The following RYR2 variants were observed in gnomAD, a reference collection of about 807,000 sequenced individuals.
RYR2 encodes ryanodine receptor 2, also known as cardiac muscle ryanodine receptor-calcium release channel.
A neutral mutation model predicts 601.1 loss-of-function variants in RYR2; 227 were observed. The ratio of observed to expected loss-of-function variants is 0.38; its 90% confidence interval spans 0.34 to 0.42. The LOEUF (loss-of-function observed/expected upper bound fraction) is 0.42, where lower values mean the gene tolerates loss of function less well. RYR2 is among the 10% of genes least tolerant of loss of function. The probability of loss-of-function intolerance (pLI) is 1.00; values close to 1 mark genes in which losing one functional copy is unlikely to be tolerated. For missense variants in RYR2, 4,646 were observed against 6,156.5 expected (o/e 0.75, Z 8.21); for synonymous variants, 2,223 against 2,175.1 (o/e 1.02, Z -0.61).
intron 17 of RYR2, among the ~76,000 whole-genome samples, chr1:237,473,853 C>T (rs1438301677): frequency 6.6e-6 from 1 of 152,116 alleles, no homozygotes; most frequent in Non-Finnish European, 1.5e-5. Flanking sequence ...CAAGCATTAC[C>T]TCTACATTTA....
intron 1 of RYR2, among the ~76,000 whole-genome samples, chr1:237,164,393 C>T (rs964853769): frequency 6.6e-6 from 1 of 152,178 alleles, no homozygotes; most frequent in African/African-American, 2.4e-5. Flanking sequence ...CACAGGTGCC[C>T]AGCTGTAGAC....
chr1:237,740,662 A>G (rs866536593), intron 79 of RYR2, among the ~76,000 whole-genome samples: 23 of 152,278 alleles, frequency 1.5e-4, no homozygotes, highest in Middle Eastern at 3.4e-3. Context: ...ATAGAAGACT[A>G]TGTCTTTGAG....
intron 1 of RYR2, among the ~76,000 whole-genome samples, chr1:237,135,400 C>T (rs1028771385): frequency 3.3e-5 from 5 of 150,880 alleles, no homozygotes; most frequent in South Asian, 2.1e-4. Flanking sequence ...TACAGAGTCT[C>T]GCTCTGTTAC....
At chr1:237,556,275 T>A (rs916256129) in intron 27 of RYR2, among the ~76,000 whole-genome samples, 2 of 99,374 alleles carry the variant, frequency 2.0e-5, no homozygotes, top group African/African-American at 7.0e-5. Context: ...TTCCATTTTT[T>A]AAAATATTAT....
intron 95 of RYR2, among the ~76,000 whole-genome samples, chr1:237,794,450 T>G (rs529322579): frequency 6.6e-6 from 1 of 152,308 alleles, no homozygotes; most frequent in Non-Finnish European, 1.5e-5. Flanking sequence ...AGCATGAAAC[T>G]AACTAAATAT....
At chr1:237,422,569 T>G (rs1306904657) in intron 11 of RYR2, among the ~76,000 whole-genome samples, 2 of 152,214 alleles carry the variant, frequency 1.3e-5, no homozygotes, top group Non-Finnish European at 2.9e-5. Flanking sequence ...AATACATTTC[T>G]TTTGTCAGGT....
At chr1:237,300,266 G>C in intron 2 of RYR2, among the ~76,000 whole-genome samples, 1 of 152,090 alleles carries the variant, frequency 6.6e-6, no homozygotes, top group Non-Finnish European at 1.5e-5. Context: ...TTGGTTGAGG[G>C]ATGTTTAAAT....
chr1:237,463,083 G>A (rs181638016), intron 16 of RYR2, among the ~76,000 whole-genome samples: 110 of 152,156 alleles, frequency 7.2e-4, no homozygotes, highest in African/African-American at 2.4e-3. Flanking sequence ...TTGTTTGCTC[G>A]TTTGTTTGTT....
intron 14 of RYR2, among the ~76,000 whole-genome samples, chr1:237,452,942 C>T (rs937484716): frequency 6.6e-6 from 1 of 151,936 alleles, no homozygotes; most frequent in Non-Finnish European, 1.5e-5. Flanking sequence ...TTACATTCCT[C>T]ATGGTAGATA....
At chr1:237,695,591 G>T (rs1242661767) in intron 63 of RYR2, among the ~76,000 whole-genome samples, 1 of 152,080 alleles carries the variant, frequency 6.6e-6, no homozygotes, top group Non-Finnish European at 1.5e-5. Flanking sequence ...GGCCCTTCCT[G>T]TTCTTCCTGA....
chr1:237,487,843 T>G (rs2150394046), intron 17 of RYR2, among the ~76,000 whole-genome samples: 1 of 152,044 alleles, frequency 6.6e-6, no homozygotes, highest in Non-Finnish European at 1.5e-5. Context: ...GTGTTTTCTC[T>G]GACTTTATTG....
At chr1:237,101,540 C>G (rs1458018391) in intron 1 of RYR2, among the ~76,000 whole-genome samples, 4 of 152,200 alleles carry the variant, frequency 2.6e-5, no homozygotes, top group African/African-American at 9.6e-5. Context: ...CACACACACT[C>G]TCGATCTTAC....
chr1:237,198,311 A>G (rs1237577545), intron 1 of RYR2, among the ~76,000 whole-genome samples: 3 of 152,216 alleles, frequency 2.0e-5, no homozygotes, highest in Non-Finnish European at 4.4e-5. Flanking sequence ...AGTTATACAA[A>G]TGTATTGCTA....
Position 237,511,539 on chromosome 1 carries a change from C to T in RYR2, c.2719-149C>T, listed in dbSNP as rs141755246. ...CCAGTGACCTCAGATACTCACTGCG[C>T]CTGAGAGGTTGTGGGGGCAGCTTTG... is the stretch of plus-strand genomic sequence containing the variant. On this transcript the variant is annotated intron_variant, in intron 23 of 104. Transcript: ENST00000366574. The T allele has an allele frequency of 4.2e-5, 25 of 601,346 alleles. No homozygotes were observed. In the East Asian group the frequency reaches 6.1e-4, roughly 15 times the overall value. The allele number at this position is 601,346 out of a possible 1,614,324, so 37.3% of individuals were successfully genotyped here.
rs181235946 is a variant in RYR2, at chr1:237,490,258, A to G, written c.1709-1548A>G. Among the ~76,000 whole-genome samples, 16 of 152,350 alleles carry G rather than the reference A, an allele frequency of 1.1e-4. No homozygotes were observed. The East Asian group carries it at 1.3e-3, about 13-fold the overall frequency. On this transcript the variant is annotated intron_variant, in intron 17 of 104. Coordinates refer to ENST00000366574, the MANE Select transcript of RYR2 (RefSeq NM_001035.3). The stretch of plus-strand genomic sequence containing the variant: ...GCTCACTACCTGGTTGATGGGATCA[A>G]TTGTACTGCAAACCTCAGCATTATG...
intron 37 of RYR2, among the ~76,000 whole-genome samples, chr1:237,616,147 G>A (rs1678439851): frequency 6.6e-6 from 1 of 152,128 alleles, no homozygotes; most frequent in African/African-American, 2.4e-5. Flanking sequence ...GGAGAAAAGG[G>A]GTTGGACACT....
rs546960253 is a variant in RYR2 at position 237,579,248 on chromosome 1, CTTTTTTTTT to C, written c.3598+9946_3598+9954del. Among the ~76,000 whole-genome samples the C allele has an allele frequency of 1.1e-3, 74 of 68,110 alleles. 1 individual carries two copies. Among genetic ancestry groups the C allele is most frequent in the Non-Finnish European group, 2.0e-3 (66 of 33,768 alleles). The allele number at this position is 68,110 out of a possible 152,430, so 44.7% of individuals were successfully genotyped here. ...TGAGGATAATTTACTTCTTCTTCTT[CTTTTTTTTT>C]TTTTTTTTTTTTTTTTGAGACAGAG... On this transcript the variant is annotated intron_variant, in intron 29 of 104. Transcript: ENST00000366574.
In RYR2 at chr1:237,707,071, A is replaced by T. The variant is rs773957909; in HGVS notation, c.9703A>T (p.Met3235Leu). The change falls in exon 68 of 105, where the codon ATG (methionine) becomes TTG (leucine). Residue 3235 changes from methionine (M) to leucine (L), a missense_variant. By Grantham distance (15) the Met-to-Leu change is conservative (BLOSUM62 2). This residue lies in a region of RYR2 where 1,497 missense variants were observed against 1,842.6 expected (regional missense o/e 0.81). Transcript: ENST00000366574. ...TCGCTACACTCAAATGCCACATGTCATGGAAGTCATACTGCCCATGCTTTG... is the reference window on the plus strand; with the variant it reads ...TCGCTACACTCAAATGCCACATGTCTTGGAAGTCATACTGCCCATGCTTTG... ...GIRYTQMPHV[M>L]EVILPMLCSY... 1 of 1,613,888 alleles carries T rather than the reference A, an allele frequency of 6.2e-7. No homozygotes were observed. Among genetic ancestry groups the T allele is most frequent in the Non-Finnish European group, 8.5e-7 (1 of 1,179,836 alleles).
chr1:237,823,212 A>T (rs1165921580), intron 101 of RYR2, among the ~76,000 whole-genome samples: 1 of 152,206 alleles, frequency 6.6e-6, no homozygotes, highest in African/African-American at 2.4e-5. Flanking sequence ...CTCCACCCCA[A>T]ATCAACAGAA....
Sources: gnomAD v4.1 joint callset for allele counts (sites outside exome capture counted in the v4.1 genomes callset) on GRCh38, gnomAD v4.1.1 for gene constraint, gnomAD v4.1.1 regional missense constraint, MANE v1.5 for transcripts, NCBI Gene and HGNC (gene_info 2026-07-23, HGNC 2026-07-21) for gene names.